Variants in DROSHA observed in about 807,000 individuals in gnomAD.
The protein encoded by DROSHA is drosha ribonuclease III, also known as ribonuclease 3.
DROSHA carries 56 observed loss-of-function variants against 181.9 expected under a neutral mutation model. The observed-to-expected ratio is 0.31, with a 90% CI of 0.25 to 0.38. DROSHA has a LOEUF of 0.38. Ranked by LOEUF, DROSHA falls within the 10% of genes least tolerant of loss-of-function variation. DROSHA has a pLI of 1.00. For synonymous variants in DROSHA, 524 were observed against 591.2 expected, an observed-to-expected ratio of 0.89 and a Z score of 1.65; for missense variants, 1,218 against 1,743.5, an observed-to-expected ratio of 0.70 and a Z score of 5.37.
chr5:31,510,718 C>T (rs1308051060), intron 9 of DROSHA, among the ~76,000 whole-genome samples: 1 of 152,190 alleles, frequency 6.6e-6, no homozygotes, highest in African/African-American at 2.4e-5. Flanking sequence ...GGACACCTGT[C>T]CTCATGAGAG....
chr5:31,442,894 T>A (rs544472585), intron 23 of DROSHA, among the ~76,000 whole-genome samples: 1 of 152,138 alleles, frequency 6.6e-6, no homozygotes, highest in African/African-American at 2.4e-5. Context: ...GACTTGGGAA[T>A]TTAACTTGAA....
At chr5:31,406,264 T>C (rs1000206320) in intron 34 of DROSHA, among the ~76,000 whole-genome samples, 4 of 151,924 alleles carry the variant, frequency 2.6e-5, no homozygotes, top group South Asian at 2.1e-4. Context: ...TCCCAGCACT[T>C]TGGGAGGCTG....
At chr5:31,529,425 T>A (rs1164828587) in intron 3 of DROSHA, among the ~76,000 whole-genome samples, 2 of 152,136 alleles carry the variant, frequency 1.3e-5, no homozygotes, top group African/African-American at 4.8e-5. Context: ...ATACTCTCGT[T>A]TCCTTCATGG....
chr5:31,520,090 T>C (rs1010634063), intron 6 of DROSHA, among the ~76,000 whole-genome samples: 1 of 152,162 alleles, frequency 6.6e-6, no homozygotes, highest in African/African-American at 2.4e-5. Context: ...TAAAGCTTTT[T>C]TTAGAGGTGG....
At chr5:31,442,144 G>GA (rs1561166464) in intron 23 of DROSHA, among the ~76,000 whole-genome samples, 2 of 152,106 alleles carry the variant, frequency 1.3e-5, no homozygotes, top group African/African-American at 4.8e-5. Context: ...TCATTTTGTT[G>GA]AAATACAAGG....
At chr5:31,424,383 G>A (rs1460441937) in intron 28 of DROSHA, 44 bp downstream of exon 28, 1 of 1,574,252 alleles carries the variant, frequency 6.4e-7, no homozygotes, top group East Asian at 2.3e-5. Flanking sequence ...AACATGAATA[G>A]CTGGAGTTAT....
intron 30 of DROSHA, among the ~76,000 whole-genome samples, chr5:31,420,242 T>G (rs1385419635): frequency 6.6e-6 from 1 of 152,224 alleles, no homozygotes; most frequent in Non-Finnish European, 1.5e-5. Context: ...AAAGACTTGT[T>G]ATTTGCTTCA....
At chr5:31,497,638 C>G (rs1753150515) in intron 11 of DROSHA, among the ~76,000 whole-genome samples, 1 of 152,224 alleles carries the variant, frequency 6.6e-6, no homozygotes, top group Non-Finnish European at 1.5e-5. Context: ...TAGGGCTCAC[C>G]CAGTAGCTGG....
At chr5:31,465,742 AAG>A (rs5867081) in intron 19 of DROSHA, among the ~76,000 whole-genome samples, 74,321 of 151,572 alleles carry the variant, frequency 0.49, 22,284 homozygotes, top group South Asian at 0.69. Flanking sequence ...CTGCTTGTTA[AAG>A]AGAGTCTGGG....
At position 31,448,579 on chromosome 5, in the gene DROSHA, T is replaced by C. The variant is rs778275231; in HGVS notation, c.2850A>G (p.Ser950=). The C allele has an allele frequency of 3.1e-6, 5 of 1,613,670 alleles. No homozygotes were observed. The Admixed American group carries it at 8.3e-5, about 27-fold the overall frequency. The change falls in exon 23 of 36, where the codon TCA becomes TCG. Residue 950 remains serine (S), a synonymous_variant. Transcript: ENST00000344624. ...KGINTLINIM[S]RLGQDDPTPS... Reference sequence around the variant, plus strand: ...GAGTTGGGTCATCTTGGCCAAGGCGTGACATGATATTTATCAAGGTGTTAA... The same window carrying C: ...GAGTTGGGTCATCTTGGCCAAGGCGCGACATGATATTTATCAAGGTGTTAA...
At chr5:31,426,737 T>A (rs1339316257) in intron 27 of DROSHA, among the ~76,000 whole-genome samples, 2 of 152,094 alleles carry the variant, frequency 1.3e-5, no homozygotes, top group Non-Finnish European at 2.9e-5. Context: ...AATGCTACGT[T>A]ATGTAGTATA....
intron 27 of DROSHA, among the ~76,000 whole-genome samples, chr5:31,426,707 A>ACAGT (rs112867710): frequency 3.8e-4 from 58 of 152,278 alleles, no homozygotes; most frequent in African/African-American, 1.4e-3. Flanking sequence ...AAAACGGCTG[A>ACAGT]CAGATTATGA....
chr5:31,437,074 A>G (rs190234704), intron 24 of DROSHA, among the ~76,000 whole-genome samples, 165 bp downstream of exon 24: 16 of 152,316 alleles, frequency 1.1e-4, no homozygotes, highest in Admixed American at 2.6e-4. Flanking sequence ...GCCAGTTATC[A>G]GGGCAAGGGC....
intron 18 of DROSHA, 36 bp downstream of exon 18, chr5:31,467,903 G>A (rs768025830): frequency 4.5e-5 from 72 of 1,601,458 alleles, no homozygotes; most frequent in Non-Finnish European, 6.1e-5. Context: ...AGTAGAAGGT[G>A]AAATTGGCTA....
intron 10 of DROSHA, 54 bp from the exon 11 acceptor site, chr5:31,504,689 G>A (rs1737693265): frequency 1.3e-6 from 2 of 1,579,674 alleles, no homozygotes; most frequent in Non-Finnish European, 8.7e-7. Context: ...TCCACACCAT[G>A]CACGGTGATG....
intron 25 of DROSHA, 70 bp downstream of exon 25, chr5:31,435,695 G>C: frequency 7.2e-7 from 1 of 1,397,380 alleles, no homozygotes; most frequent in Non-Finnish European, 1.0e-6. Context: ...TTATTCAAAT[G>C]CAAAATTATG....
At chr5:31,426,145 G>GAACACCC (rs1743442625) in intron 27 of DROSHA, among the ~76,000 whole-genome samples, 2 of 151,810 alleles carry the variant, frequency 1.3e-5, no homozygotes, top group African/African-American at 4.8e-5. Flanking sequence ...TGGTGTAATA[G>GAACACCC]CATAACACCC....
chr5:31,408,995 TG>T lies in DROSHA; in HGVS notation c.3854+60del. The T allele has an allele frequency of 2.0e-6, 3 of 1,498,590 alleles. No individual in the cohort carries two copies. In the South Asian group the frequency reaches 3.6e-5, roughly 18 times the overall value. The allele number at this position is 1,498,590 out of a possible 1,614,324, so 92.8% of individuals were successfully genotyped here. On this transcript the variant is annotated intron_variant, in intron 33 of 35. Coordinates refer to ENST00000344624, the MANE Select transcript of DROSHA (RefSeq NM_001382508.1). ...ACAATGACTCATTCTTCAAGGCACATGGAAAGTCAATTTTAGGCATGCTGGA... is the reference window on the plus strand; with the variant it reads ...ACAATGACTCATTCTTCAAGGCACATGAAAGTCAATTTTAGGCATGCTGGA...
chr5:31,421,464 T>A, intron 29 of DROSHA, 87 bp from the exon 30 acceptor site: 1 of 1,075,856 alleles, frequency 9.3e-7, no homozygotes, highest in Non-Finnish European at 1.4e-6. Context: ...AAGGAATGAC[T>A]TAAAAAGACA....
Sources: gnomAD v4.1 joint callset for allele counts (sites outside exome capture counted in the v4.1 genomes callset) on GRCh38, gnomAD v4.1.1 for gene constraint, MANE v1.5 for transcripts, NCBI Gene and HGNC (gene_info 2026-07-23, HGNC 2026-07-21) for gene names.